Variants in MPST observed in about 807,000 individuals in gnomAD.
MPST encodes 3-mercaptopyruvate sulfurtransferase.
In MPST, 27 loss-of-function variants were observed where a neutral mutation model predicts 28.5. The ratio of observed to expected loss-of-function variants is 0.95; its 90% confidence interval spans 0.70 to 1.31. MPST has a LOEUF of 1.31. Ranked by LOEUF, MPST falls within the 50% of genes most tolerant of loss-of-function variation. MPST has a pLI of 0.00. For synonymous variants in MPST, 204 were observed against 209.3 expected (o/e 0.97, Z 0.22); for missense variants, 492 against 471.1 (o/e 1.04, Z -0.41).
intron 1 of MPST, 140 bp from the exon 2 acceptor site, chr22:37,024,052 C>A: frequency 8.0e-7 from 1 of 1,257,360 alleles, no homozygotes; most frequent in Non-Finnish European, 1.0e-6. Context: ...GGTTCACCAC[C>A]ACTGGTTTCT....
chr22:37,021,964 T>TG (rs1326220155), intron 1 of MPST, among the ~76,000 whole-genome samples: 1 of 152,064 alleles, frequency 6.6e-6, no homozygotes, highest in Non-Finnish European at 1.5e-5. Flanking sequence ...TACATTGATT[T>TG]GGGGGGCTCT....
Position 37,029,322 on chromosome 22 carries a change from G to A in MPST, c.762G>A (p.Gln254=). The A allele has an allele frequency of 1.2e-6, 2 of 1,614,164 alleles. No homozygotes were observed. Among genetic ancestry groups the A allele is most frequent in the African/African-American group, 1.3e-5 (1 of 75,038 alleles). ...CTGAGGAGATCCGCCATCTGTTCCA[G>A]GAGAAGAAAGTGGACCTGTCTAAGC... The part of the protein sequence containing the change: ...KSPEEIRHLF[Q]EKKVDLSKPL... The change falls in exon 3 of 3, where the codon CAG becomes CAA. Residue 254 remains glutamine (Q), a synonymous_variant. Transcript: ENST00000429360.
chr22:37,028,729 T>C (rs1157780386), intron 2 of MPST: 3 of 157,192 alleles, frequency 1.9e-5, no homozygotes, highest in Non-Finnish European at 4.2e-5. Context: ...AATAATAATA[T>C]CAGCTATTGC....
Position 37,024,369 on chromosome 22 carries a change from C to A in MPST, c.214C>A (p.Arg72Ser), listed in dbSNP as rs1275943241. ...GRDARREFEE[R>S]HIPGAAFFDI... ...CGACGCGCGACGCGAGTTCGAGGAG[C>A]GCCACATCCCGGGCGCCGCTTTCTT... Residue 72 changes from arginine (R) to serine (S), a missense_variant, in exon 2 of 3, where the codon CGC (arginine) becomes AGC (serine). Physicochemically the swap from Arg to Ser is moderately radical, Grantham distance 110. Coordinates refer to ENST00000429360, the MANE Select transcript of MPST (RefSeq NM_021126.8). The A allele has an allele frequency of 6.5e-7, 1 of 1,544,260 alleles. No homozygotes were observed.
At chr22:37,020,010 T>G in intron 1 of MPST, 138 bp downstream of exon 1, 319 of 314,514 alleles carry the variant, frequency 1.0e-3, no homozygotes, top group East Asian at 2.3e-3. Context: ...GCCGCTACGT[T>G]GGCACTAAGG....
Position 37,029,423 on chromosome 22 carries a change from A to G in MPST, c.863A>G (p.Asp288Gly). ...GGGGCCTACCTCTGCGGCAAGCCAG[A>G]CGTGCCCATCTACGATGGCTCCTGG... ...ALGAYLCGKP[D>G]VPIYDGSWVE... is the part of the protein sequence containing the mutation. Residue 288 changes from aspartate (D) to glycine (G), a missense_variant, in exon 3 of 3, where the codon GAC (aspartate) becomes GGC (glycine). By Grantham distance (94) the Asp-to-Gly change is moderately conservative. Coordinates refer to ENST00000429360, the MANE Select transcript of MPST (RefSeq NM_021126.8). The G allele has an allele frequency of 1.2e-6, 2 of 1,613,876 alleles. No individual in the cohort carries two copies. The highest frequency in any genetic ancestry group is 3.3e-5 in the Admixed American group (2 of 60,030).
At chr22:37,028,995 C>T in intron 2 of MPST, 1 of 558,836 alleles carries the variant, frequency 1.8e-6, no homozygotes, top group Non-Finnish European at 3.2e-6. Context: ...GATGTGTTAG[C>T]CTCAGGTGGT....
intron 1 of MPST, chr22:37,020,293 T>G (rs1055541292): frequency 6.3e-6 from 1 of 158,460 alleles, no homozygotes; most frequent in Non-Finnish European, 1.4e-5. Flanking sequence ...ACAATAACCC[T>G]GAGGAGTAGG....
In MPST at chr22:37,024,271, C is replaced by A. The variant is rs1035982847; in HGVS notation, c.116C>A (p.Ala39Glu). The change falls in exon 2 of 3, where the codon GCG becomes GAG. Residue 39 changes from alanine (A) to glutamate (E), a missense_variant. Coordinates refer to ENST00000429360, the MANE Select transcript of MPST (RefSeq NM_021126.8). ...ALVSAQWVAEALRAPRAGQPL... is the reference protein window; with the variant it reads ...ALVSAQWVAEELRAPRAGQPL... ...GTGTCGGCGCAATGGGTGGCGGAGG[C>A]GCTGCGGGCCCCGCGCGCTGGGCAG... 1.4e-6 allele frequency: 2 copies of A among 1,472,738 alleles called. No homozygotes were observed. Among genetic ancestry groups the A allele is most frequent in the South Asian group, 1.3e-5 (1 of 75,452 alleles). The allele number at this position is 1,472,738 out of a possible 1,614,324, so 91.2% of individuals were successfully genotyped here.
rs749517805 is a variant in MPST at position 37,029,157 on chromosome 22, C to T, written c.656-59C>T. 1.5e-5 allele frequency: 23 copies of T among 1,490,818 alleles called. 1 individual carries two copies. The highest frequency in any genetic ancestry group is 7.4e-5 in the South Asian group (6 of 81,324). The allele number at this position is 1,490,818 out of a possible 1,614,324, so 92.3% of individuals were successfully genotyped here. On this transcript the variant is annotated intron_variant, in intron 2 of 2. Transcript: ENST00000429360. Reference sequence around the variant, plus strand: ...CTCAATATCTCGAGCACCACAAATACGAGGTACCATTCATAGCATCCTTCT... The same window carrying T: ...CTCAATATCTCGAGCACCACAAATATGAGGTACCATTCATAGCATCCTTCT...
At chr22:37,023,824 T>C in intron 1 of MPST, 1 of 1,283,800 alleles carries the variant, frequency 7.8e-7, no homozygotes, top group South Asian at 1.4e-5. Flanking sequence ...AAAGCCGAGC[T>C]GCATCTTAGG....
intron 2 of MPST, chr22:37,026,970 T>G (rs1174927351): frequency 6.6e-6 from 1 of 152,534 alleles, no homozygotes; most frequent in African/African-American, 2.4e-5. Context: ...GTTATTGTTT[T>G]GAGACGGAGT....
rs756956681 is a variant in MPST, at chr22:37,024,633, C to G, written c.478C>G (p.Leu160Val). 4.6e-5 allele frequency: 74 copies of G among 1,593,802 alleles called. No individual in the cohort carries two copies. Among genetic ancestry groups the G allele is most frequent in the Non-Finnish European group, 2.5e-5 (29 of 1,175,444 alleles). ...GGLRHWLRQN[L>V]PLSSGKSQPA... ...CCTCCGCCACTGGCTGCGCCAGAAC[C>G]TCCCGCTCAGCTCCGGCAAGAGCCA... is the stretch of plus-strand genomic sequence containing the variant. Residue 160 changes from leucine to valine, a missense_variant, in exon 2 of 3, where the codon CTC becomes GTC. Physicochemically the swap from Leu to Val is conservative, Grantham distance 32. Transcript: ENST00000429360.
In MPST at chr22:37,024,005, G is replaced by A. The variant is rs1923272113; in HGVS notation, c.37-187G>A. On this transcript the variant is annotated intron_variant, in intron 1 of 2. Transcript: ENST00000429360. Reference sequence around the variant, plus strand: ...GGAGCTTGTGTTTATATGAGGCCTGGCAGAGGGAGGCCCCTGGCTACCCAC... The same window carrying A: ...GGAGCTTGTGTTTATATGAGGCCTGACAGAGGGAGGCCCCTGGCTACCCAC... 3 of 1,354,112 alleles carry A rather than the reference G, an allele frequency of 2.2e-6. No homozygotes were observed. The South Asian group carries it at 4.5e-5, about 20-fold the overall frequency. The allele number at this position is 1,354,112 out of a possible 1,614,324, so 83.9% of individuals were successfully genotyped here. A position where few individuals can be genotyped will look rare whatever the true frequency, so the allele number is the denominator to read the frequency against.
chr22:37,023,953 CG>C, intron 1 of MPST: 2 of 1,518,196 alleles, frequency 1.3e-6, no homozygotes, highest in Admixed American at 1.9e-5. Context: ...TGGGGCTCTC[CG>C]GGAGGTCATG....
intron 1 of MPST, among the ~76,000 whole-genome samples, chr22:37,022,583 T>A (rs1279367049): frequency 6.6e-6 from 1 of 151,954 alleles, no homozygotes; most frequent in Non-Finnish European, 1.5e-5. Context: ...GCCTGAGGGG[T>A]CAAATTCTGG....
At chr22:37,023,107 G>T (rs1901765590) in intron 1 of MPST, 1 of 152,894 alleles carries the variant, frequency 6.5e-6, no homozygotes, top group African/African-American at 2.4e-5. Flanking sequence ...TGCTAGAAGG[G>T]CCAGAGAGAG....
At chr22:37,022,394 T>C (rs964787436) in intron 1 of MPST, among the ~76,000 whole-genome samples, 8 of 152,188 alleles carry the variant, frequency 5.3e-5, no homozygotes, top group African/African-American at 1.4e-4. Context: ...CAGCCTGACG[T>C]TTCCCCCCAG....
At chr22:37,023,257 T>C (rs1923205432) in intron 1 of MPST, 1 of 152,270 alleles carries the variant, frequency 6.6e-6, no homozygotes, top group African/African-American at 2.4e-5. Context: ...TAGTGCACTT[T>C]TTCTTGTTTG....
Sources: allele counts gnomAD v4.1 joint callset (sites outside exome capture counted in the v4.1 genomes callset), GRCh38; gene constraint gnomAD v4.1.1; transcripts MANE v1.5; gene names NCBI Gene and HGNC (gene_info 2026-07-23, HGNC 2026-07-21).